Variants in CDKL2 observed in about 807,000 individuals in gnomAD.
The protein encoded by CDKL2 is cyclin-dependent kinase-like 2.
A neutral mutation model predicts 63.9 loss-of-function variants in CDKL2; 64 were observed. The observed-to-expected ratio is 1.00, with a 90% CI of 0.82 to 1.23. The LOEUF (loss-of-function observed/expected upper bound fraction) is 1.23. Ranked by LOEUF, CDKL2 falls within the 50% of genes most tolerant of loss-of-function variation. The pLI is 0.00. For synonymous variants in CDKL2, 211 were observed against 229.2 expected, an observed-to-expected ratio of 0.92 and a Z score of 0.72; for missense variants, 656 against 668.0, an observed-to-expected ratio of 0.98 and a Z score of 0.20.
At chr4:75,622,909 A>G (rs1730228823) in intron 2 of CDKL2, among the ~76,000 whole-genome samples, 1 of 152,062 alleles carries the variant, frequency 6.6e-6, no homozygotes, top group East Asian at 1.9e-4. Context: ...GGAAATGCAA[A>G]CAGACAAAAA....
intron 3 of CDKL2, among the ~76,000 whole-genome samples, chr4:75,610,144 A>T (rs1244126933): frequency 6.6e-6 from 1 of 151,710 alleles, no homozygotes. Context: ...CGGAGCTTGC[A>T]GTGAGCCGAA....
chr4:75,580,709 C>CT (rs1464734360), intron 13 of CDKL2, among the ~76,000 whole-genome samples: 10 of 94,404 alleles, frequency 1.1e-4, no homozygotes, highest in South Asian at 3.8e-4. Flanking sequence ...TTTTTTTTTT[C>CT]TTTTTTTTTG....
At chr4:75,589,813 TAA>T (rs776502295) in intron 12 of CDKL2, among the ~76,000 whole-genome samples, 2 of 143,196 alleles carry the variant, frequency 1.4e-5, no homozygotes, top group Non-Finnish European at 1.5e-5. Flanking sequence ...ACTCCATCTC[TAA>T]AAAAAAAAAA....
At chr4:75,619,577 TAAAAA>T (rs71203836) in intron 2 of CDKL2, among the ~76,000 whole-genome samples, 24 of 78,146 alleles carry the variant, frequency 3.1e-4, no homozygotes, top group African/African-American at 7.4e-4. Flanking sequence ...CACAGCTGTA[TAAAAA>T]AAAAAAAAAA....
At chr4:75,603,989 T>C (rs1329154180) in intron 5 of CDKL2, 33 bp from the exon 6 acceptor site, 1 of 1,578,342 alleles carries the variant, frequency 6.3e-7, no homozygotes, top group East Asian at 2.2e-5. Context: ...TCTCTGTTAT[T>C]ATACAACATG....
chr4:75,615,236 G>T (rs1044001156), intron 2 of CDKL2, among the ~76,000 whole-genome samples: 16 of 152,114 alleles, frequency 1.1e-4, no homozygotes, highest in African/African-American at 3.6e-4. Context: ...GTAAATTCCT[G>T]CTAGCCTGGA....
rs988222256 is a variant in CDKL2 at position 75,578,093 on chromosome 4, C to T, written c.*1109G>A. 2 of 151,854 alleles carry T rather than the reference C, an allele frequency of 1.3e-5. No individual in the cohort carries two copies. Among genetic ancestry groups the T allele is most frequent in the Admixed American group, 6.6e-5 (1 of 15,230 alleles). 9.4% of individuals were successfully genotyped at this position (151,854 alleles called of 1,614,324 possible). ...GTGTAGAAACCCAGAAATCAAGAAC[C>T]TGTAGCCAACTTAGTTTATTCCTCC... On this transcript the variant is annotated 3_prime_UTR_variant, in exon 14 of 14. Transcript: ENST00000307465.
chr4:75,611,458 C>CAAAAAAA (rs71203834), intron 3 of CDKL2, among the ~76,000 whole-genome samples: 1 of 76,730 alleles, frequency 1.3e-5, no homozygotes, highest in Non-Finnish European at 2.5e-5. Flanking sequence ...GATTCTGTCT[C>CAAAAAAA]AAAAAAAAAA....
At chr4:75,625,675 T>G in intron 2 of CDKL2, 146 bp downstream of exon 2, 1 of 644,644 alleles carries the variant, frequency 1.6e-6, no homozygotes, top group South Asian at 2.1e-5. Context: ...CACAGAAAGA[T>G]ATAGAGAGAA....
At chr4:75,584,407 C>CA (rs1219662116) in intron 12 of CDKL2, among the ~76,000 whole-genome samples, 2 of 152,180 alleles carry the variant, frequency 1.3e-5, no homozygotes, top group Admixed American at 6.5e-5. Context: ...ATTAGCCCAA[C>CA]AACCCAAGTG....
chr4:75,597,826 A>C (rs1485754001), intron 8 of CDKL2, among the ~76,000 whole-genome samples: 1 of 152,220 alleles, frequency 6.6e-6, no homozygotes, highest in Non-Finnish European at 1.5e-5. Flanking sequence ...ATGAAAACAC[A>C]TATCTAGATG....
At chr4:75,610,884 T>C (rs1369952277) in intron 3 of CDKL2, among the ~76,000 whole-genome samples, 7 of 152,176 alleles carry the variant, frequency 4.6e-5, no homozygotes, top group Admixed American at 3.9e-4. Flanking sequence ...CTACCGTTAT[T>C]ATCTGTCTAC....
chr4:75,625,725 T>G, intron 2 of CDKL2, 96 bp downstream of exon 2: 1 of 815,486 alleles, frequency 1.2e-6, no homozygotes, highest in Non-Finnish European at 1.9e-6. Flanking sequence ...ATTCACCAGA[T>G]AAATGAATTT....
chr4:75,601,386 G>T (rs1224175778), intron 6 of CDKL2, among the ~76,000 whole-genome samples: 1 of 151,846 alleles, frequency 6.6e-6, no homozygotes, highest in East Asian at 1.9e-4. Flanking sequence ...CCCCTAACAT[G>T]CCAGTAAAAA....
In CDKL2 at chr4:75,596,341, C is replaced by T. The variant is rs56229013; in HGVS notation, c.1323-1G>A. 9.3e-3 allele frequency: 14,720 copies of T among 1,585,112 alleles called. 96 individuals carry two copies. Among genetic ancestry groups the T allele is most frequent in the Non-Finnish European group, 0.011 (12,642 of 1,156,448 alleles). On this transcript the variant is annotated splice_acceptor_variant, in intron 9 of 13. Transcript: ENST00000307465. LOFTEE classifies it high-confidence loss of function. ...ACACTTCTTAGTTTTCTCATCCACT[C>T]TGTAACGACAAAAAAAAATGTTTTT...
At chr4:75,605,454 A>C in intron 5 of CDKL2, 68 bp downstream of exon 5, 2 of 929,358 alleles carry the variant, frequency 2.2e-6, no homozygotes, top group Non-Finnish European at 3.4e-6. Context: ...AAAAAATCAC[A>C]AACACACAGG....
chr4:75,628,997 G>C (rs1282561726), intron 1 of CDKL2, among the ~76,000 whole-genome samples: 2 of 151,968 alleles, frequency 1.3e-5, no homozygotes, highest in East Asian at 3.9e-4. Context: ...TTACAGAGCA[G>C]TGTCCCAGAC....
intron 2 of CDKL2, among the ~76,000 whole-genome samples, chr4:75,622,196 G>C (rs574474032): frequency 2.0e-5 from 3 of 152,108 alleles, no homozygotes; most frequent in African/African-American, 7.2e-5. Flanking sequence ...AGGAAGAGAA[G>C]TATAAATCCA....
intron 2 of CDKL2, among the ~76,000 whole-genome samples, chr4:75,624,534 G>C (rs1730307534): frequency 6.7e-6 from 1 of 149,364 alleles, no homozygotes; most frequent in Admixed American, 6.7e-5. Flanking sequence ...CTGGAGGACA[G>C]AGCAAGACCC....
Sources: allele counts gnomAD v4.1 joint callset (sites outside exome capture counted in the v4.1 genomes callset), GRCh38; gene constraint gnomAD v4.1.1; transcripts MANE v1.5; gene names NCBI Gene and HGNC (gene_info 2026-07-23, HGNC 2026-07-21).